CTNNA1: variants seen among roughly 807,000 people sequenced by gnomAD.
CTNNA1 encodes the protein catenin alpha 1, also known as catenin alpha-1.
In CTNNA1, 37 loss-of-function variants were observed where a neutral mutation model predicts 98.4. The observed-to-expected ratio is 0.38, with a 90% CI of 0.29 to 0.49. The LOEUF is 0.49. Ranked by LOEUF, CTNNA1 falls within the 20% of genes least tolerant of loss-of-function variation. CTNNA1 has a pLI of 0.95. For missense variants in CTNNA1, 761 were observed against 1,147.2 expected (o/e 0.66, Z 4.86); for synonymous variants, 404 against 413.2 (o/e 0.98, Z 0.27).
chr5:138,891,396 C>CT (rs5871684), intron 9 of CTNNA1, among the ~76,000 whole-genome samples: 39,188 of 149,448 alleles, frequency 0.26, 5,256 homozygotes, highest in Middle Eastern at 0.31. Context: ...TTACAACCTC[C>CT]TTTTTTTTTT....
chr5:138,811,301 C>T (rs1169914741), intron 4 of CTNNA1, among the ~76,000 whole-genome samples: 2 of 140,066 alleles, frequency 1.4e-5, no homozygotes, highest in Admixed American at 7.1e-5. Flanking sequence ...AGAGGCGCTC[C>T]CCACATCTCA....
intron 1 of CTNNA1, among the ~76,000 whole-genome samples, chr5:138,775,083 A>G (rs1467452741): frequency 1.3e-5 from 2 of 152,222 alleles, no homozygotes; most frequent in Non-Finnish European, 2.9e-5. Context: ...CACAAATGTG[A>G]CCACATATAC....
At chr5:138,916,086 A>C (rs540221994) in intron 10 of CTNNA1, among the ~76,000 whole-genome samples, 17 of 151,880 alleles carry the variant, frequency 1.1e-4, no homozygotes, top group African/African-American at 3.6e-4. Flanking sequence ...GAAAAAAGCA[A>C]GTTACAAAAG....
chr5:138,897,032 A>G (rs1340363976), intron 9 of CTNNA1, among the ~76,000 whole-genome samples: 1 of 152,158 alleles, frequency 6.6e-6, no homozygotes, highest in African/African-American at 2.4e-5. Context: ...GGAAAATGCC[A>G]TTAATGAAAT....
rs549792831 is a variant in CTNNA1 at position 138,828,768 on chromosome 5, C to T, written c.1062+1050C>T. On this transcript the variant is annotated intron_variant, in intron 7 of 17. Transcript: ENST00000302763. ...GAATTCCTAGGGTGAAGATGAATGC[C>T]TTCCTCTGTTTATCTTGTCTCTACC... Among the ~76,000 whole-genome samples the T allele has an allele frequency of 1.1e-4, 17 of 152,284 alleles. 1 individual carries two copies. The South Asian group carries it at 3.1e-3, about 28-fold the overall frequency.
At chr5:138,925,974 C>T (rs1763931155) in intron 13 of CTNNA1, among the ~76,000 whole-genome samples, 1 of 152,126 alleles carries the variant, frequency 6.6e-6, no homozygotes, top group Non-Finnish European at 1.5e-5. Flanking sequence ...ATTGAGCTCC[C>T]GGCATACCGT....
At chr5:138,759,990 T>C (rs1752142961) in intron 1 of CTNNA1, among the ~76,000 whole-genome samples, 1 of 136,656 alleles carries the variant, frequency 7.3e-6, no homozygotes, top group Non-Finnish European at 1.6e-5. Context: ...CTTTTTTTTT[T>C]TTTTTTTTTT....
chr5:138,867,437 A>C (rs979100690), intron 7 of CTNNA1, among the ~76,000 whole-genome samples: 1 of 152,344 alleles, frequency 6.6e-6, no homozygotes, highest in Admixed American at 6.5e-5. Flanking sequence ...ATGCCCTAGC[A>C]CTGCCCAGGT....
chr5:138,873,340 G>C lies in CTNNA1; in HGVS notation c.1063-12872G>C, dbSNP rs774501018. On this transcript the variant is annotated intron_variant, in intron 7 of 17. Coordinates refer to ENST00000302763, the MANE Select transcript of CTNNA1 (RefSeq NM_001903.5). The surrounding 1 kb of genome is among the most constrained non-coding windows in gnomAD (Gnocchi z 6.1). ...TGTCTGGTTCAGGAAAGTGTTCCTC[G>C]GTAGTAACTGCTATGCCTGCAGTAG... The C allele has an allele frequency of 3.1e-6, 5 of 1,614,034 alleles. No homozygotes were observed. Among genetic ancestry groups the C allele is most frequent in the South Asian group, 2.2e-5 (2 of 91,084 alleles).
chr5:138,882,954 G>A (rs992899996), intron 7 of CTNNA1, among the ~76,000 whole-genome samples: 36 of 152,036 alleles, frequency 2.4e-4, no homozygotes, highest in African/African-American at 6.0e-4. Flanking sequence ...TCAGCCTCCC[G>A]AGTAGCTGGG....
At chr5:138,865,666 T>C (rs1764684982) in intron 7 of CTNNA1, among the ~76,000 whole-genome samples, 2 of 152,206 alleles carry the variant, frequency 1.3e-5, no homozygotes, top group African/African-American at 2.4e-5. Flanking sequence ...TTGTAATTTA[T>C]CAAAACCCAT....
chr5:138,886,143 A>G lies in CTNNA1; in HGVS notation c.1063-69A>G, dbSNP rs570489766. 1.5e-5 allele frequency: 23 copies of G among 1,540,534 alleles called. No homozygotes were observed. In the African/African-American group the frequency reaches 3.1e-4, roughly 20 times the overall value. ...TTTTTCAGTGTTGACATGAGCACAA[A>G]TGGCTATAGGCTATCATTAGGTTTC... On this transcript the variant is annotated intron_variant, in intron 7 of 17. Transcript: ENST00000302763.
At chr5:138,887,814 C>T (rs1754407342) in intron 9 of CTNNA1, 172 bp downstream of exon 9, 2 of 560,228 alleles carry the variant, frequency 3.6e-6, no homozygotes, top group African/African-American at 3.9e-5. Context: ...CCATTTTGGT[C>T]ACTTTACATT....
At chr5:138,836,325 C>A (rs1761767134) in intron 7 of CTNNA1, among the ~76,000 whole-genome samples, 1 of 152,186 alleles carries the variant, frequency 6.6e-6, no homozygotes. Flanking sequence ...TAGTATAATG[C>A]CCTCCAAGTT....
intron 11 of CTNNA1, among the ~76,000 whole-genome samples, chr5:138,923,972 C>G (rs1763443899): frequency 6.6e-6 from 1 of 152,234 alleles, no homozygotes; most frequent in Non-Finnish European, 1.5e-5. Context: ...AATAGTTCAT[C>G]TCACACCTCA....
intron 3 of CTNNA1, among the ~76,000 whole-genome samples, chr5:138,800,715 A>G (rs1479271542): frequency 1.3e-5 from 2 of 152,136 alleles, no homozygotes; most frequent in African/African-American, 2.4e-5. Flanking sequence ...AGGCAGGAGA[A>G]TCACTTGAAC....
At chr5:138,848,470 A>C (rs1326137421) in intron 7 of CTNNA1, among the ~76,000 whole-genome samples, 1 of 152,100 alleles carries the variant, frequency 6.6e-6, no homozygotes. Flanking sequence ...ATTCTCCTCC[A>C]AGAGCTTAGT....
rs1217546757 is a variant in CTNNA1 at position 138,753,459 on chromosome 5, C to T, written c.-54C>T. ...GCCGGACTGGAGGGAGACAAAGCAG[C>T]GCCCGTCTGCTTCGGGCCTCTGGAA... On this transcript the variant is annotated 5_prime_UTR_variant, in exon 1 of 18. Coordinates refer to ENST00000302763, the MANE Select transcript of CTNNA1 (RefSeq NM_001903.5). The T allele has an allele frequency of 5.3e-6, 2 of 377,690 alleles. No individual in the cohort carries two copies. The highest frequency in any genetic ancestry group is 9.4e-6 in the Non-Finnish European group (2 of 212,412). The allele number at this position is 377,690 out of a possible 1,614,324, so 23.4% of individuals were successfully genotyped here.
At chr5:138,857,624 C>T (rs1203264668) in intron 7 of CTNNA1, among the ~76,000 whole-genome samples, 1 of 152,074 alleles carries the variant, frequency 6.6e-6, no homozygotes, top group Non-Finnish European at 1.5e-5. Flanking sequence ...TTCTTAAGTG[C>T]CTTCCTATTT....
Sources: allele counts gnomAD v4.1 joint callset (sites outside exome capture counted in the v4.1 genomes callset), GRCh38; gene constraint gnomAD v4.1.1; non-coding constraint Gnocchi (gnomAD v3.1); transcripts MANE v1.5; gene names NCBI Gene and HGNC (gene_info 2026-07-23, HGNC 2026-07-21).